The following FBXO34 variants were observed in gnomAD, a reference collection of about 807,000 sequenced individuals.
The protein encoded by FBXO34 is F-box only protein 34.
A neutral mutation model predicts 24.5 loss-of-function variants in FBXO34; 12 were observed. The ratio of observed to expected loss-of-function variants is 0.49; its 90% CI spans 0.31 to 0.79. The LOEUF (loss-of-function observed/expected upper bound fraction) is 0.79. Among genes scored for constraint, FBXO34 ranks in the 30% least tolerant of loss-of-function variants. The probability of loss-of-function intolerance (pLI) is 0.04; values close to 1 mark genes in which losing one functional copy is unlikely to be tolerated. For synonymous variants in FBXO34, 320 were observed against 311.9 expected (o/e 1.03, Z -0.27); for missense variants, 823 against 857.7 (o/e 0.96, Z 0.51).
the FBXO34 span, among the ~76,000 whole-genome samples, chr14:55,428,193 G>A: frequency 3.5e-4 from 46 of 132,828 alleles, 1 homozygote; most frequent in South Asian, 0.011. Flanking sequence ...CCAGTGGCGC[G>A]AGGTCGGCTC....
intron 1 of FBXO34, among the ~76,000 whole-genome samples, chr14:55,348,876 C>G (rs1302043391): frequency 6.6e-6 from 1 of 151,526 alleles, no homozygotes; most frequent in Non-Finnish European, 1.5e-5. Context: ...TCAGTTACCA[C>G]AGAGGCTGCC....
downstream of FBXO34, among the ~76,000 whole-genome samples, chr14:55,358,318 T>C (rs945876686): frequency 6.6e-6 from 1 of 152,226 alleles, no homozygotes; most frequent in Non-Finnish European, 1.5e-5. Context: ...AGGAAACTGC[T>C]GCACACTTGA....
At chr14:55,293,341 C>A (rs1313666971) in intron 1 of FBXO34, among the ~76,000 whole-genome samples, 1 of 152,056 alleles carries the variant, frequency 6.6e-6, no homozygotes, top group African/African-American at 2.4e-5. Context: ...CCACACCCAG[C>A]TAATTTTTGT....
rs991740694 is a variant in FBXO34 at position 55,308,037 on chromosome 14, C to T, written c.-11+36500C>T. Among the ~76,000 whole-genome samples the T allele has an allele frequency of 3.9e-5, 6 of 152,220 alleles. No individual in the cohort carries two copies. In the South Asian group the frequency reaches 6.2e-4, roughly 16 times the overall value. ...TCGTGGTAATAAGTCTCACGAGATC[C>T]GATGGTTTTATAAATGGGATTCTCC... On this transcript the variant is annotated intron_variant, in intron 1 of 1. Coordinates refer to ENST00000313833, the MANE Select transcript of FBXO34 (RefSeq NM_017943.4).
At chr14:55,275,233 C>A (rs190381855) in intron 1 of FBXO34, among the ~76,000 whole-genome samples, 1 of 152,286 alleles carries the variant, frequency 6.6e-6, no homozygotes, top group African/African-American at 2.4e-5. Context: ...TCTCAGTAAT[C>A]CATTTTAAAA....
At chr14:55,315,313 T>G (rs750711609) in intron 1 of FBXO34, among the ~76,000 whole-genome samples, 1 of 152,246 alleles carries the variant, frequency 6.6e-6, no homozygotes, top group Non-Finnish European at 1.5e-5. Context: ...AGTCAGACAC[T>G]TCAAGTATTC....
At chr14:55,369,841 G>C, downstream of FBXO34, 1 of 1,614,072 alleles carries the variant, frequency 6.2e-7, no homozygotes, top group African/African-American at 1.3e-5. Flanking sequence ...GCTCATCTCC[G>C]CTCTCATCTG....
the FBXO34 span, chr14:55,436,528 A>AT: frequency 6.4e-7 from 1 of 1,569,482 alleles, no homozygotes; most frequent in Admixed American, 1.7e-5. Flanking sequence ...TGTGTACCCA[A>AT]TGTGCTCAAT....
the FBXO34 span, among the ~76,000 whole-genome samples, chr14:55,407,408 C>T: frequency 3.9e-5 from 6 of 152,288 alleles, no homozygotes; most frequent in East Asian, 5.8e-4. Context: ...GGATTACAGG[C>T]GTGAGCCACT....
intron 1 of FBXO34, among the ~76,000 whole-genome samples, chr14:55,279,883 A>G (rs1048289845): frequency 4.6e-5 from 7 of 152,234 alleles, no homozygotes; most frequent in Admixed American, 3.9e-4. Flanking sequence ...ATAAAGAGCC[A>G]GTAGATACTG....
chr14:55,442,648 G>A, the FBXO34 span, among the ~76,000 whole-genome samples: 1 of 152,128 alleles, frequency 6.6e-6, no homozygotes, highest in South Asian at 2.1e-4. Flanking sequence ...GAAACATTTT[G>A]ATGAGATTGG....
the FBXO34 span, among the ~76,000 whole-genome samples, chr14:55,393,801 G>A: frequency 6.6e-6 from 1 of 151,688 alleles, no homozygotes. Flanking sequence ...AATCCACCTC[G>A]GACTCCCAAA....
intron 1 of FBXO34, among the ~76,000 whole-genome samples, chr14:55,287,703 T>C (rs1052958151): frequency 2.6e-5 from 4 of 152,212 alleles, no homozygotes; most frequent in African/African-American, 9.6e-5. Flanking sequence ...ATGGGGCCTC[T>C]AGGGAAGAGA....
chr14:55,424,181 T>TA, the FBXO34 span: 1 of 1,613,272 alleles, frequency 6.2e-7, no homozygotes, highest in South Asian at 1.1e-5. Context: ...CTTTTCCAGA[T>TA]ACAAAGATAA....
intron 1 of FBXO34, among the ~76,000 whole-genome samples, chr14:55,281,605 C>T (rs935419369): frequency 3.3e-5 from 5 of 152,214 alleles, no homozygotes; most frequent in African/African-American, 1.2e-4. Context: ...GCAGTTTCCT[C>T]AGCCTTGCTT....
chr14:55,278,803 C>T (rs1881431274), intron 1 of FBXO34, among the ~76,000 whole-genome samples: 1 of 152,184 alleles, frequency 6.6e-6, no homozygotes, highest in Non-Finnish European at 1.5e-5. Flanking sequence ...CTTCTCACCT[C>T]AGCCTTCTGA....
chr14:55,298,646 G>T lies in FBXO34; in HGVS notation c.-11+27109G>T, dbSNP rs547847183. The T allele has an allele frequency of 5.4e-6, 8 of 1,491,054 alleles. No homozygotes were observed. The South Asian group carries it at 9.6e-5, about 18-fold the overall frequency. 92.4% of individuals were successfully genotyped at this position (1,491,054 alleles called of 1,614,324 possible). A position where few individuals can be genotyped will look rare whatever the true frequency, so the allele number is the denominator to read the frequency against. ...GTTGAAGGCTGGCGCGGCGAGCGCT[G>T]TTCGGGGCTGGAGGGGGTAAGGCCG... On this transcript the variant is annotated intron_variant, in intron 1 of 1. Coordinates refer to ENST00000313833, the MANE Select transcript of FBXO34 (RefSeq NM_017943.4).
At chr14:55,371,430 G>A (rs578171867), downstream of FBXO34, among the ~76,000 whole-genome samples, 160 of 152,196 alleles carry the variant, frequency 1.1e-3, no homozygotes, top group Admixed American at 4.3e-3. Flanking sequence ...TATGCTCCAG[G>A]GACTGTTTTT....
chr14:55,378,643 T>A, the FBXO34 span, among the ~76,000 whole-genome samples: 17 of 151,948 alleles, frequency 1.1e-4, no homozygotes, highest in Non-Finnish European at 2.1e-4. Context: ...TCCCCTATGA[T>A]CACACACCTG....
Sources: allele counts gnomAD v4.1 joint callset (sites outside exome capture counted in the v4.1 genomes callset), GRCh38; gene constraint gnomAD v4.1.1; transcripts MANE v1.5; gene names NCBI Gene and HGNC (gene_info 2026-07-23, HGNC 2026-07-21).